The following AK8 variants were observed in gnomAD, a reference collection of about 807,000 sequenced individuals.
AK8 encodes the protein adenylate kinase 8, also known as ATP-AMP transphosphorylase 8.
In AK8, 44 loss-of-function variants were observed where a neutral mutation model predicts 54.6. The observed-to-expected ratio is 0.81, with a 90% CI of 0.63 to 1.04. AK8 has a LOEUF of 1.04. Ranked by LOEUF, AK8 falls within the 50% of genes least tolerant of loss-of-function variation. The pLI, the probability that AK8 is intolerant of heterozygous loss-of-function variation, is 0.00. For synonymous variants in AK8, 239 were observed against 245.6 expected, an observed-to-expected ratio of 0.97 and a Z score of 0.25; for missense variants, 555 against 613.6, an observed-to-expected ratio of 0.90 and a Z score of 1.01.
intron 5 of AK8, among the ~76,000 whole-genome samples, chr9:132,845,016 G>A (rs1023021451): frequency 2.6e-5 from 4 of 152,196 alleles, no homozygotes; most frequent in African/African-American, 9.7e-5. Flanking sequence ...GTGAAATAGG[G>A]TAGACAGCAG....
At chr9:132,825,315 T>A (rs980384424) in intron 8 of AK8, among the ~76,000 whole-genome samples, 2 of 152,248 alleles carry the variant, frequency 1.3e-5, no homozygotes, top group African/African-American at 4.8e-5. Flanking sequence ...CTCTGCATTA[T>A]TAATTAATAA....
chr9:132,792,686 G>T lies in AK8; in HGVS notation c.1069C>A (p.Arg357=). 6.4e-7 allele frequency: 1 copy of T among 1,556,068 alleles called. No homozygotes were observed. The highest frequency in any genetic ancestry group is 8.7e-7 in the Non-Finnish European group (1 of 1,150,246). The part of the protein sequence containing the change: ...QKGWVLHGVP[R]DLDQAHLLNR... ...AGCAGGTGTGCCTGGTCGAGGTCCCGCGGGACGCCGTGTAGCACCCAGCCT... is the reference window on the plus strand; with the variant it reads ...AGCAGGTGTGCCTGGTCGAGGTCCCTCGGGACGCCGTGTAGCACCCAGCCT... The change falls in exon 11 of 13, where the codon CGG becomes AGG. Residue 357 remains arginine, a synonymous_variant. Transcript: ENST00000298545.
Position 132,725,844 on chromosome 9 carries a change from C to G in AK8, c.1284G>C (p.Gln428His). 1 of 1,609,312 alleles carries G rather than the reference C, an allele frequency of 6.2e-7. No homozygotes were observed. Among genetic ancestry groups the G allele is most frequent in the Non-Finnish European group, 8.5e-7 (1 of 1,178,414 alleles). Residue 428 changes from glutamine (Q) to histidine (H), a missense_variant, in exon 13 of 13, where the codon CAG becomes CAC. Gln to His is a conservative substitution (Grantham distance 24). Transcript: ENST00000298545. ...LLQNPKDAEE[Q>H]VKLKMDLFYR... Reference sequence around the variant, plus strand: ...AGAACAGGTCCATTTTCAGCTTGACCTGCTCTTCAGCATCCTTTGGGTTCT... The same window carrying G: ...AGAACAGGTCCATTTTCAGCTTGACGTGCTCTTCAGCATCCTTTGGGTTCT...
At chr9:132,866,224 C>T (rs974025956) in intron 3 of AK8, among the ~76,000 whole-genome samples, 26 of 152,088 alleles carry the variant, frequency 1.7e-4, no homozygotes, top group Admixed American at 1.6e-3. Flanking sequence ...CCTTAAAGAT[C>T]GAAGCCACAG....
chr9:132,871,694 G>A (rs1355832278), intron 2 of AK8, among the ~76,000 whole-genome samples: 8 of 152,224 alleles, frequency 5.3e-5, no homozygotes, highest in Non-Finnish European at 1.2e-4. Flanking sequence ...CAGGTGCAGT[G>A]CAGAGAAAGG....
At chr9:132,869,919 T>C (rs971464806) in intron 2 of AK8, among the ~76,000 whole-genome samples, 1 of 152,054 alleles carries the variant, frequency 6.6e-6, no homozygotes, top group Non-Finnish European at 1.5e-5. Context: ...GAGGGAGCAG[T>C]GGGGAACCTG....
chr9:132,865,830 T>C (rs760409007), intron 3 of AK8, among the ~76,000 whole-genome samples: 1 of 149,352 alleles, frequency 6.7e-6, no homozygotes, highest in South Asian at 2.1e-4. Context: ...AAAATAAAAA[T>C]AAAAAATAAA....
chr9:132,728,675 T>C (rs567639819), intron 11 of AK8, among the ~76,000 whole-genome samples: 4 of 152,246 alleles, frequency 2.6e-5, no homozygotes, highest in Non-Finnish European at 5.9e-5. Flanking sequence ...GGAGGTTGGT[T>C]GTTCTCAGCT....
At position 132,878,225 on chromosome 9, in the gene AK8, G is replaced by C. The variant is rs775274430; in HGVS notation, c.31C>G (p.Pro11Ala). ...TCCCCGTACTGGGGCATCTCGGGGGGGATACGGTGCGGGGCGATAGTGGCG... is the reference window on the plus strand; with the variant it reads ...TCCCCGTACTGGGGCATCTCGGGGGCGATACGGTGCGGGGCGATAGTGGCG... Reference protein sequence around the residue: MDATIAPHRIPPEMPQYGEEN... With the variant: MDATIAPHRIAPEMPQYGEEN... Residue 11 changes from proline (P) to alanine (A), a missense_variant, in exon 1 of 13, where the codon CCC becomes GCC. Transcript: ENST00000298545. The surrounding 1 kb of genome is among the most constrained non-coding windows in gnomAD (Gnocchi z 4.7). The C allele has an allele frequency of 1.4e-5, 20 of 1,457,302 alleles. No homozygotes were observed. In the East Asian group the frequency reaches 4.3e-4, roughly 31 times the overall value. 90.3% of individuals were successfully genotyped at this position (1,457,302 alleles called of 1,614,324 possible). A position where few individuals can be genotyped will look rare whatever the true frequency, so the allele number is the denominator to read the frequency against.
At chr9:132,800,287 T>C (rs10901214) in intron 10 of AK8, among the ~76,000 whole-genome samples, 64,919 of 152,104 alleles carry the variant, frequency 0.43, 16,393 homozygotes, top group South Asian at 0.64. Flanking sequence ...TGGCGCCAGG[T>C]GTTTCTGTTG....
At chr9:132,817,786 C>T (rs1377927615) in intron 9 of AK8, among the ~76,000 whole-genome samples, 1 of 152,046 alleles carries the variant, frequency 6.6e-6, no homozygotes, top group Non-Finnish European at 1.5e-5. Context: ...AGAAGAGAGG[C>T]AGGCAGAAAA....
intron 5 of AK8, among the ~76,000 whole-genome samples, chr9:132,838,421 T>C (rs1842410462): frequency 6.6e-6 from 1 of 152,174 alleles, no homozygotes; most frequent in East Asian, 1.9e-4. Flanking sequence ...GCATTTCATG[T>C]TCAGTAAAGG....
intron 11 of AK8, among the ~76,000 whole-genome samples, chr9:132,774,206 T>C (rs59204079): frequency 0.053 from 8,084 of 152,064 alleles, 691 homozygotes; most frequent in African/African-American, 0.18. Context: ...CGCCCCTGGA[T>C]GGACACTGTC....
At chr9:132,874,990 T>G in intron 2 of AK8, 125 bp downstream of exon 2, 1 of 1,246,988 alleles carries the variant, frequency 8.0e-7, no homozygotes, top group Non-Finnish European at 1.1e-6. Context: ...TGCTCAGCTA[T>G]TCTCGGGATG....
At position 132,774,352 on chromosome 9, in the gene AK8, G is replaced by C. The variant is rs114065092; in HGVS notation, c.1121+18282C>G. The stretch of plus-strand genomic sequence containing the variant: ...GTCTTACAATCTCATAAAAAGTAAG[G>C]CTGCACTTCTATTTGTGGAAGACTT... On this transcript the variant is annotated intron_variant, in intron 11 of 12. Coordinates refer to ENST00000298545, the MANE Select transcript of AK8 (RefSeq NM_152572.3). Among the ~76,000 whole-genome samples, 1,444 of 152,208 alleles carry C rather than the reference G, an allele frequency of 9.5e-3. 29 individuals are homozygous for C. Among genetic ancestry groups the C allele is most frequent in the African/African-American group, 0.033 (1,363 of 41,500 alleles).
At chr9:132,798,917 G>A (rs1052236758) in intron 10 of AK8, among the ~76,000 whole-genome samples, 5 of 152,158 alleles carry the variant, frequency 3.3e-5, no homozygotes, top group African/African-American at 1.2e-4. Flanking sequence ...AAGGAGTCCT[G>A]TCTAAAGGCC....
At chr9:132,865,216 T>C (rs780690215) in intron 3 of AK8, among the ~76,000 whole-genome samples, 2 of 152,216 alleles carry the variant, frequency 1.3e-5, no homozygotes, top group African/African-American at 2.4e-5. Flanking sequence ...TGGAGGAATC[T>C]AATAGAAAAA....
chr9:132,833,622 C>T lies in AK8; in HGVS notation c.403-4896G>A, dbSNP rs180993112. ...TATCACACATCAAAAAGGCCGTATG[C>T]TCAGGGCACTCCAGGCACCAGTGCA... On this transcript the variant is annotated intron_variant, in intron 5 of 12. Coordinates refer to ENST00000298545, the MANE Select transcript of AK8 (RefSeq NM_152572.3). Among the ~76,000 whole-genome samples the T allele has an allele frequency of 3.9e-5, 6 of 152,298 alleles. No homozygotes were observed. In the East Asian group the frequency reaches 1.2e-3, roughly 29 times the overall value.
intron 10 of AK8, among the ~76,000 whole-genome samples, chr9:132,805,211 G>C (rs1320313204): frequency 6.6e-6 from 1 of 152,234 alleles, no homozygotes; most frequent in African/African-American, 2.4e-5. Context: ...GCTTCTAGAA[G>C]CTCTGGTCAG....
Sources: allele counts gnomAD v4.1 joint callset (sites outside exome capture counted in the v4.1 genomes callset), GRCh38; gene constraint gnomAD v4.1.1; non-coding constraint Gnocchi (gnomAD v3.1); transcripts MANE v1.5; gene names NCBI Gene and HGNC (gene_info 2026-07-23, HGNC 2026-07-21).